The following NALF1 variants were observed in gnomAD, a reference collection of about 807,000 sequenced individuals.
The protein encoded by NALF1 is NALCN channel auxiliary factor 1, also known as family with sequence similarity 155 member A.
In NALF1, 3 loss-of-function variants were observed where a neutral mutation model predicts 48.4. The ratio of observed to expected loss-of-function variants is 0.06; its 90% CI spans 0.03 to 0.16. NALF1 has a LOEUF of 0.16. NALF1 is among the 10% of genes least tolerant of loss of function. NALF1 has a pLI of 1.00. For synonymous variants in NALF1, 262 were observed against 245.7 expected (o/e 1.07, Z -0.62); for missense variants, 526 against 571.5 (o/e 0.92, Z 0.81).
At chr13:107,219,643 T>C (rs1329075782) in intron 1 of NALF1, among the ~76,000 whole-genome samples, 3 of 152,226 alleles carry the variant, frequency 2.0e-5, no homozygotes, top group African/African-American at 7.2e-5. Flanking sequence ...GAATGTTATC[T>C]TCCATAATCT....
At chr13:107,185,785 T>A (rs1189546896) in intron 2 of NALF1, among the ~76,000 whole-genome samples, 1 of 152,192 alleles carries the variant, frequency 6.6e-6, no homozygotes, top group Non-Finnish European at 1.5e-5. Context: ...GATTCCAGAT[T>A]CACAATCTCC....
chr13:107,715,851 C>T (rs947813613), intron 1 of NALF1, among the ~76,000 whole-genome samples: 2 of 152,052 alleles, frequency 1.3e-5, no homozygotes, highest in Non-Finnish European at 2.9e-5. Context: ...AAAATGAAAA[C>T]AAAAGTTCAG....
At chr13:107,259,297 T>C (rs957877733) in intron 1 of NALF1, among the ~76,000 whole-genome samples, 4 of 152,198 alleles carry the variant, frequency 2.6e-5, no homozygotes, top group African/African-American at 4.8e-5. Context: ...CTTTACCTGG[T>C]AATCAGGAGT....
At chr13:107,319,727 C>A (rs988412571) in intron 1 of NALF1, among the ~76,000 whole-genome samples, 1 of 152,170 alleles carries the variant, frequency 6.6e-6, no homozygotes, top group East Asian at 1.9e-4. Flanking sequence ...CAAGTTCATG[C>A]AGTCAGTAAA....
intron 1 of NALF1, among the ~76,000 whole-genome samples, chr13:107,328,075 C>T (rs1295932822): frequency 6.6e-6 from 1 of 152,024 alleles, no homozygotes; most frequent in Non-Finnish European, 1.5e-5. Flanking sequence ...CATGTGCCAC[C>T]ATGCTAGACT....
At chr13:107,247,719 T>C (rs1161959208) in intron 1 of NALF1, among the ~76,000 whole-genome samples, 2 of 152,118 alleles carry the variant, frequency 1.3e-5, no homozygotes, top group Non-Finnish European at 2.9e-5. Context: ...CAGAAAGTAA[T>C]GATGATAAAA....
intron 1 of NALF1, among the ~76,000 whole-genome samples, chr13:107,669,207 G>C (rs1434426219): frequency 6.6e-6 from 1 of 152,072 alleles, no homozygotes; most frequent in Non-Finnish European, 1.5e-5. Context: ...TTTCAGGAGA[G>C]ACTCAATATA....
intron 1 of NALF1, among the ~76,000 whole-genome samples, chr13:107,230,002 T>C (rs192272616): frequency 1.3e-5 from 2 of 152,328 alleles, no homozygotes; most frequent in African/African-American, 4.8e-5. Context: ...CATATGATTT[T>C]ACCCTTGAGG....
At chr13:107,805,629 T>C (rs1160085315) in intron 1 of NALF1, among the ~76,000 whole-genome samples, 2 of 152,234 alleles carry the variant, frequency 1.3e-5, no homozygotes, top group African/African-American at 2.4e-5. Context: ...TCAAAATGTC[T>C]AACTTACATG....
At chr13:107,636,426 A>G (rs962024911) in intron 1 of NALF1, among the ~76,000 whole-genome samples, 2 of 152,190 alleles carry the variant, frequency 1.3e-5, no homozygotes, top group Non-Finnish European at 2.9e-5. Context: ...ATGGTTTTAA[A>G]AGATTGATTT....
At chr13:107,773,834 A>T (rs1049749374) in intron 1 of NALF1, among the ~76,000 whole-genome samples, 2 of 152,050 alleles carry the variant, frequency 1.3e-5, no homozygotes, top group Non-Finnish European at 2.9e-5. Context: ...CATATGTAAC[A>T]AACCTGCACA....
At chr13:107,386,199 CA>C (rs1327175857) in intron 1 of NALF1, among the ~76,000 whole-genome samples, 14 of 152,238 alleles carry the variant, frequency 9.2e-5, no homozygotes, top group Admixed American at 3.9e-4. Context: ...AATCACAATT[CA>C]AAGATATCAT....
chr13:107,636,171 C>T (rs981163579), intron 1 of NALF1, among the ~76,000 whole-genome samples: 13 of 152,074 alleles, frequency 8.5e-5, no homozygotes, highest in African/African-American at 3.1e-4. Context: ...GCAGGTGAAT[C>T]ACATCCCTCC....
chr13:107,225,156 G>A lies in NALF1; in HGVS notation c.916-14401C>T, dbSNP rs191418785. Reference sequence around the variant, plus strand: ...CCCAAGTAGCTGGGATTACAGGCACGCACCACCACACCTGGCTAATTTTTG... The same window carrying A: ...CCCAAGTAGCTGGGATTACAGGCACACACCACCACACCTGGCTAATTTTTG... On this transcript the variant is annotated intron_variant, in intron 1 of 2. Transcript: ENST00000375915. 3.1e-3 allele frequency among the ~76,000 whole-genome samples: 469 copies of A among 151,870 alleles called. 3 individuals carry two copies. The highest frequency in any genetic ancestry group is 0.011 in the African/African-American group (450 of 41,428).
At chr13:107,838,915 C>A (rs1191913166) in intron 1 of NALF1, among the ~76,000 whole-genome samples, 1 of 152,092 alleles carries the variant, frequency 6.6e-6, no homozygotes, top group Non-Finnish European at 1.5e-5. Context: ...TGTGTTCTAG[C>A]AAGTGGAGGA....
intron 1 of NALF1, among the ~76,000 whole-genome samples, chr13:107,783,357 A>C (rs1409899040): frequency 1.3e-5 from 2 of 151,550 alleles, no homozygotes; most frequent in East Asian, 3.9e-4. Flanking sequence ...CCCGTCTGGG[A>C]GGTGTGCCCA....
chr13:107,303,291 CA>C (rs1881873352), intron 1 of NALF1, among the ~76,000 whole-genome samples: 2 of 151,932 alleles, frequency 1.3e-5, no homozygotes, highest in African/African-American at 4.8e-5. Context: ...ATCATCATCA[CA>C]AAACTATAAA....
At chr13:107,509,715 A>G (rs74112098) in intron 1 of NALF1, among the ~76,000 whole-genome samples, 3,341 of 152,302 alleles carry the variant, frequency 0.022, 111 homozygotes, top group African/African-American at 0.076. Flanking sequence ...AGACTGCCTT[A>G]TAACTGTCAG....
chr13:107,377,055 T>C (rs1357692532), intron 1 of NALF1, among the ~76,000 whole-genome samples: 1 of 152,140 alleles, frequency 6.6e-6, no homozygotes, highest in South Asian at 2.1e-4. Context: ...TCCTATTGTG[T>C]AGAGTAGACA....
Sources: gnomAD v4.1 joint callset for allele counts (sites outside exome capture counted in the v4.1 genomes callset) on GRCh38, gnomAD v4.1.1 for gene constraint, MANE v1.5 for transcripts, NCBI Gene and HGNC (gene_info 2026-07-23, HGNC 2026-07-21) for gene names.